The following RNF180 variants were observed in gnomAD, a reference collection of about 807,000 sequenced individuals.
RNF180 encodes the protein E3 ubiquitin-protein ligase RNF180.
A neutral mutation model predicts 59.2 loss-of-function variants in RNF180; 38 were observed. The observed-to-expected ratio is 0.64, with a 90% confidence interval of 0.50 to 0.84. The LOEUF (loss-of-function observed/expected upper bound fraction) is 0.84. RNF180 is among the 40% of genes least tolerant of loss of function. The pLI, the probability that RNF180 is intolerant of heterozygous loss-of-function variation, is 0.00. For missense variants in RNF180, 705 were observed against 700.9 expected, an observed-to-expected ratio of 1.01 and a Z score of -0.07; for synonymous variants, 262 against 240.3, an observed-to-expected ratio of 1.09 and a Z score of -0.84.
chr5:64,295,629 T>C (rs1742848234), intron 5 of RNF180, among the ~76,000 whole-genome samples: 1 of 152,224 alleles, frequency 6.6e-6, no homozygotes, highest in South Asian at 2.1e-4. Flanking sequence ...CTGTGCTTCC[T>C]AATAAAGTAG....
intron 5 of RNF180, among the ~76,000 whole-genome samples, chr5:64,266,765 A>G (rs1744703508): frequency 6.6e-6 from 1 of 152,104 alleles, no homozygotes; most frequent in Admixed American, 6.6e-5. Flanking sequence ...AGTAGGTGTA[A>G]ATCGAGAAAA....
chr5:64,272,828 G>C (rs1741495066), intron 5 of RNF180, among the ~76,000 whole-genome samples: 1 of 151,846 alleles, frequency 6.6e-6, no homozygotes, highest in African/African-American at 2.4e-5. Context: ...ATTAGTTAAA[G>C]AAAATTAAAA....
chr5:64,344,254 A>T (rs973399693), intron 7 of RNF180, among the ~76,000 whole-genome samples: 7 of 152,078 alleles, frequency 4.6e-5, no homozygotes, highest in African/African-American at 1.7e-4. Context: ...ATAGAAAATT[A>T]TATATATGTA....
In RNF180 at chr5:64,317,463, A is replaced by G. The variant is rs896437915; in HGVS notation, c.1228-7723A>G. Among the ~76,000 whole-genome samples the G allele has an allele frequency of 7.2e-5, 11 of 152,012 alleles. No homozygotes were observed. In the East Asian group the frequency reaches 1.5e-3, roughly 21 times the overall value. Reference sequence around the variant, plus strand: ...TTTGTCACAGGGTTGCTACAAACCTATAATTTGTTATTTTTAAAGCAATAT... The same window carrying G: ...TTTGTCACAGGGTTGCTACAAACCTGTAATTTGTTATTTTTAAAGCAATAT... On this transcript the variant is annotated intron_variant, in intron 5 of 7. Coordinates refer to ENST00000389100, the MANE Select transcript of RNF180 (RefSeq NM_001113561.2).
chr5:64,201,092 C>T lies in RNF180; in HGVS notation c.135+150C>T, dbSNP rs142657245. On this transcript the variant is annotated intron_variant, in intron 2 of 7. Coordinates refer to ENST00000389100, the MANE Select transcript of RNF180 (RefSeq NM_001113561.2). ...TTGTCTCTCACCTTATTTCACCTGACCCACTGAAAACATTCTAAAATGGTA... is the reference window on the plus strand; with the variant it reads ...TTGTCTCTCACCTTATTTCACCTGATCCACTGAAAACATTCTAAAATGGTA... 4.7e-4 allele frequency: 291 copies of T among 613,234 alleles called. 1 individual carries two copies. In the African/African-American group the frequency reaches 4.9e-3, roughly 10 times the overall value. 38.0% of individuals were successfully genotyped at this position (613,234 alleles called of 1,614,324 possible).
intron 5 of RNF180, among the ~76,000 whole-genome samples, chr5:64,252,808 G>A (rs1315044558): frequency 6.6e-6 from 1 of 152,078 alleles, no homozygotes; most frequent in East Asian, 1.9e-4. Context: ...ACAGGTTTTA[G>A]TAGTAGATGC....
At chr5:64,296,545 A>C (rs79688038) in intron 5 of RNF180, among the ~76,000 whole-genome samples, 1 of 151,982 alleles carries the variant, frequency 6.6e-6, no homozygotes, top group African/African-American at 2.4e-5. Context: ...TATAGAAACT[A>C]TGTGCATTTT....
chr5:64,300,058 T>A (rs1743082485), intron 5 of RNF180, among the ~76,000 whole-genome samples: 1 of 151,902 alleles, frequency 6.6e-6, no homozygotes, highest in Admixed American at 6.6e-5. Flanking sequence ...TGTGTTCAGG[T>A]AACCCTTATT....
At chr5:64,286,342 G>A (rs1219855347) in intron 5 of RNF180, among the ~76,000 whole-genome samples, 1 of 152,068 alleles carries the variant, frequency 6.6e-6, no homozygotes, top group East Asian at 1.9e-4. Context: ...AAAGACATAA[G>A]TTTCAAGAAA....
intron 7 of RNF180, among the ~76,000 whole-genome samples, chr5:64,362,649 T>C (rs916521483): frequency 6.6e-6 from 1 of 151,694 alleles, no homozygotes; most frequent in African/African-American, 2.4e-5. Flanking sequence ...TTTTTAGGAC[T>C]TTGAGGAATC....
At chr5:64,352,051 A>T (rs1053209329) in intron 7 of RNF180, among the ~76,000 whole-genome samples, 1 of 151,914 alleles carries the variant, frequency 6.6e-6, no homozygotes, top group Non-Finnish European at 1.5e-5. Context: ...TTTTGTTGGT[A>T]GGCTATTAAT....
chr5:64,206,249 G>A (rs968790192), intron 2 of RNF180, among the ~76,000 whole-genome samples: 9 of 152,248 alleles, frequency 5.9e-5, no homozygotes, highest in African/African-American at 2.2e-4. Flanking sequence ...AAATTCTACT[G>A]GGTTCAGATA....
intron 5 of RNF180, among the ~76,000 whole-genome samples, chr5:64,319,296 T>C (rs1339821440): frequency 6.6e-6 from 1 of 152,134 alleles, no homozygotes; most frequent in African/African-American, 2.4e-5. Flanking sequence ...ACAATAAAGA[T>C]TATTCTTTAT....
chr5:64,359,991 C>A (rs2112602597), intron 7 of RNF180, among the ~76,000 whole-genome samples: 1 of 152,076 alleles, frequency 6.6e-6, no homozygotes, highest in Non-Finnish European at 1.5e-5. Flanking sequence ...TTCCATTGAT[C>A]TATATCTCTG....
intron 1 of RNF180, among the ~76,000 whole-genome samples, chr5:64,172,766 G>T (rs977975287): frequency 6.6e-6 from 1 of 152,166 alleles, no homozygotes; most frequent in Non-Finnish European, 1.5e-5. Flanking sequence ...TGGAGGGTGT[G>T]CTCAAGTCTT....
chr5:64,178,623 A>G (rs570882316), intron 1 of RNF180, among the ~76,000 whole-genome samples: 2 of 152,224 alleles, frequency 1.3e-5, no homozygotes, highest in Admixed American at 6.5e-5. Flanking sequence ...GATGCATTGC[A>G]TATGAAACGC....
intron 5 of RNF180, among the ~76,000 whole-genome samples, chr5:64,311,034 CAAG>C (rs1743740128): frequency 6.6e-6 from 1 of 151,552 alleles, no homozygotes; most frequent in Admixed American, 6.6e-5. Flanking sequence ...TTAAAAATAC[CAAG>C]AAGAATTTCA....
chr5:64,333,479 GT>G (rs1744999365), intron 7 of RNF180, among the ~76,000 whole-genome samples: 1 of 152,140 alleles, frequency 6.6e-6, no homozygotes, highest in East Asian at 1.9e-4. Context: ...CCATAGATAG[GT>G]TTTAATAGGT....
chr5:64,199,263 C>T (rs767018254), intron 1 of RNF180, among the ~76,000 whole-genome samples: 32 of 152,214 alleles, frequency 2.1e-4, no homozygotes, highest in Admixed American at 7.9e-4. Context: ...TTGCTGTGCC[C>T]TCTGAGCCAG....
Sources: allele counts gnomAD v4.1 joint callset (sites outside exome capture counted in the v4.1 genomes callset), GRCh38; gene constraint gnomAD v4.1.1; transcripts MANE v1.5; gene names NCBI Gene and HGNC (gene_info 2026-07-23, HGNC 2026-07-21).